The following GRM7 variants were observed in gnomAD, a reference collection of about 807,000 sequenced individuals.
GRM7 encodes metabotropic glutamate receptor 7.
A neutral mutation model predicts 84.5 loss-of-function variants in GRM7; 35 were observed. The ratio of observed to expected loss-of-function variants is 0.41; its 90% CI spans 0.32 to 0.55. The LOEUF (loss-of-function observed/expected upper bound fraction) is 0.55, where lower values mean the gene tolerates loss of function less well. Ranked by LOEUF, GRM7 falls within the 20% of genes least tolerant of loss-of-function variation. The pLI is 0.19. For missense variants in GRM7, 1,003 were observed against 1,194.6 expected, an observed-to-expected ratio of 0.84 and a Z score of 2.36; for synonymous variants, 487 against 455.1, an observed-to-expected ratio of 1.07 and a Z score of -0.89.
chr3:7,143,101 A>C (rs1407665152), intron 1 of GRM7, among the ~76,000 whole-genome samples: 1 of 152,180 alleles, frequency 6.6e-6, no homozygotes, highest in African/African-American at 2.4e-5. Context: ...AAGAGAGAAA[A>C]GGTCCAATAG....
rs1702660540 is a variant in GRM7 at position 7,740,559 on chromosome 3, C to T, written c.*153C>T. 1 of 490,384 alleles carries T rather than the reference C, an allele frequency of 2.0e-6. No homozygotes were observed. The highest frequency in any genetic ancestry group is 4.2e-5 in the South Asian group (1 of 23,584). The allele number at this position is 490,384 out of a possible 1,614,324, so 30.4% of individuals were successfully genotyped here. On this transcript the variant is annotated 3_prime_UTR_variant, in exon 10 of 10. Coordinates refer to ENST00000357716, the MANE Select transcript of GRM7 (RefSeq NM_000844.4). The stretch of plus-strand genomic sequence containing the variant: ...TGTTAGAGGATCCAAGCGACCTAAA[C>T]AGCTGCTTTATGAAATATCCTTACT...
In GRM7 at chr3:7,577,300, G is replaced by A. The variant is rs143357500; in HGVS notation, c.1516-1122G>A. On this transcript the variant is annotated intron_variant, in intron 7 of 9. Coordinates refer to ENST00000357716, the MANE Select transcript of GRM7 (RefSeq NM_000844.4). ...TCTCAGGGCACACCTCAGATCCAAT[G>A]AATCAGAAAATCTTGCAAACTCTAT... 4.1e-4 allele frequency among the ~76,000 whole-genome samples: 63 copies of A among 152,254 alleles called. 1 individual carries two copies. The East Asian group carries it at 0.012, about 29-fold the overall frequency.
intron 4 of GRM7, among the ~76,000 whole-genome samples, chr3:7,392,046 C>G (rs989461011): frequency 1.3e-5 from 2 of 152,144 alleles, no homozygotes; most frequent in African/African-American, 4.8e-5. Flanking sequence ...TGCAGTTTCA[C>G]GTTTTCTTTG....
At chr3:7,134,118 G>C (rs1039036275) in intron 1 of GRM7, among the ~76,000 whole-genome samples, 2 of 152,106 alleles carry the variant, frequency 1.3e-5, no homozygotes, top group Non-Finnish European at 2.9e-5. Context: ...CTTTCATTTT[G>C]TAGGTATTTC....
intron 5 of GRM7, among the ~76,000 whole-genome samples, chr3:7,440,574 G>T (rs1230012047): frequency 6.6e-6 from 1 of 152,090 alleles, no homozygotes; most frequent in Non-Finnish European, 1.5e-5. Context: ...AGTGTCGTCG[G>T]GGCTTGGTGT....
chr3:7,111,765 C>G (rs1433448175), intron 1 of GRM7, among the ~76,000 whole-genome samples: 1 of 152,146 alleles, frequency 6.6e-6, no homozygotes, highest in Non-Finnish European at 1.5e-5. Flanking sequence ...GCTTAGCTAC[C>G]TGGTTGTCTT....
At chr3:7,490,252 C>T (rs779343871) in intron 7 of GRM7, among the ~76,000 whole-genome samples, 7 of 152,032 alleles carry the variant, frequency 4.6e-5, no homozygotes, top group Non-Finnish European at 8.8e-5. Context: ...GGTAACATAG[C>T]CATCTGGCAC....
At position 7,566,103 on chromosome 3, in the gene GRM7, GT is replaced by G. The variant is rs58178956; in HGVS notation, c.1516-12290del. On this transcript the variant is annotated intron_variant, in intron 7 of 9. Transcript: ENST00000357716. ...TGTTTTCTTTGGCTCTGAATCAGCT[GT>G]TTTTTTTTTTTTTTTTTTTTTTTTT... is the stretch of plus-strand genomic sequence containing the variant. Among the ~76,000 whole-genome samples, 1,148 of 129,890 alleles carry G rather than the reference GT, an allele frequency of 8.8e-3. 30 individuals are homozygous for G. The highest frequency in any genetic ancestry group is 0.033 in the African/African-American group (1,083 of 33,318). 85.2% of individuals were successfully genotyped at this position (129,890 alleles called of 152,430 possible).
chr3:7,053,400 A>G (rs1369445866), intron 1 of GRM7, among the ~76,000 whole-genome samples: 1 of 151,560 alleles, frequency 6.6e-6, no homozygotes, highest in Non-Finnish European at 1.5e-5. Flanking sequence ...AATGTTGAAG[A>G]AGTCCAATTT....
At chr3:7,073,971 G>A (rs1345351349) in intron 1 of GRM7, among the ~76,000 whole-genome samples, 1 of 135,194 alleles carries the variant, frequency 7.4e-6, no homozygotes, top group African/African-American at 3.0e-5. Flanking sequence ...GGGGGAGGGT[G>A]AAACAAAAAC....
intron 8 of GRM7, among the ~76,000 whole-genome samples, chr3:7,588,854 C>G (rs528960801): frequency 6.6e-6 from 1 of 152,306 alleles, no homozygotes; most frequent in Admixed American, 6.5e-5. Context: ...GATGTGATCT[C>G]ACGTTAGTGA....
intron 1 of GRM7, among the ~76,000 whole-genome samples, chr3:6,871,953 A>G (rs1423800477): frequency 1.3e-5 from 2 of 152,278 alleles, no homozygotes; most frequent in East Asian, 3.9e-4. Context: ...CCATTGAGGC[A>G]TCCTAGCTCC....
At chr3:6,996,391 G>A (rs978629811) in intron 1 of GRM7, among the ~76,000 whole-genome samples, 20 of 152,164 alleles carry the variant, frequency 1.3e-4, no homozygotes, top group Non-Finnish European at 2.5e-4. Flanking sequence ...AAACCAAAGT[G>A]AAGGAAATCA....
intron 1 of GRM7, among the ~76,000 whole-genome samples, chr3:7,056,678 T>C (rs1173380264): frequency 1.3e-5 from 2 of 152,032 alleles, no homozygotes; most frequent in African/African-American, 4.8e-5. Context: ...CTGATCATTA[T>C]GAGGTCTCCA....
intron 4 of GRM7, among the ~76,000 whole-genome samples, chr3:7,386,395 T>C (rs1995194): frequency 0.18 from 26,620 of 152,086 alleles, 2,484 homozygotes; most frequent in East Asian, 0.32. Flanking sequence ...TAGTAGCCAA[T>C]AGTTAGATGT....
At chr3:6,888,074 G>A (rs931665685) in intron 1 of GRM7, among the ~76,000 whole-genome samples, 1 of 152,044 alleles carries the variant, frequency 6.6e-6, no homozygotes, top group Non-Finnish European at 1.5e-5. Context: ...TTTTGGATGG[G>A]GTTGTTTGTT....
At chr3:6,984,200 G>T (rs1694312573) in intron 1 of GRM7, among the ~76,000 whole-genome samples, 1 of 152,176 alleles carries the variant, frequency 6.6e-6, no homozygotes, top group Non-Finnish European at 1.5e-5. Flanking sequence ...CGTCTTGGAG[G>T]CCGTAGAAAC....
intron 1 of GRM7, among the ~76,000 whole-genome samples, chr3:7,033,952 T>C (rs551956256): frequency 6.6e-6 from 1 of 152,284 alleles, no homozygotes; most frequent in African/African-American, 2.4e-5. Flanking sequence ...CAATAGAACA[T>C]TGGTTCAAAT....
intron 1 of GRM7, among the ~76,000 whole-genome samples, chr3:7,000,322 C>T (rs995545658): frequency 6.6e-6 from 1 of 151,962 alleles, no homozygotes; most frequent in African/African-American, 2.4e-5. Context: ...CAGGTGCCTG[C>T]AATTGCACCT....
Sources: allele counts gnomAD v4.1 joint callset (sites outside exome capture counted in the v4.1 genomes callset), GRCh38; gene constraint gnomAD v4.1.1; transcripts MANE v1.5; gene names NCBI Gene and HGNC (gene_info 2026-07-23, HGNC 2026-07-21).